Variants in KCNIP4 observed in about 807,000 individuals in gnomAD.
KCNIP4 encodes potassium voltage-gated channel interacting protein 4, also known as Kv channel-interacting protein 4.
A neutral mutation model predicts 34.0 loss-of-function variants in KCNIP4; 12 were observed. The ratio of observed to expected loss-of-function variants is 0.35; its 90% CI spans 0.23 to 0.57. KCNIP4 has a LOEUF of 0.57. KCNIP4 is among the 20% of genes least tolerant of loss of function. The probability of loss-of-function intolerance (pLI) is 0.83; values close to 1 mark genes in which losing one functional copy is unlikely to be tolerated. For synonymous variants in KCNIP4, 124 were observed against 102.2 expected (o/e 1.21, Z -1.29); for missense variants, 238 against 311.7 (o/e 0.76, Z 1.78).
At chr4:21,714,790 T>C (rs199505663) in intron 1 of KCNIP4, among the ~76,000 whole-genome samples, 3 of 260 alleles carry the variant, frequency 0.012, no homozygotes, top group African/African-American at 0.029. Context: ...CCTTTGATTA[T>C]TTTATTTTAT....
At chr4:21,251,987 T>A (rs1317139764) in intron 1 of KCNIP4, among the ~76,000 whole-genome samples, 3 of 151,354 alleles carry the variant, frequency 2.0e-5, no homozygotes, top group Non-Finnish European at 4.4e-5. Flanking sequence ...ATTGTGCACA[T>A]GTACCCTAAA....
At chr4:21,470,890 A>G (rs1474940473) in intron 1 of KCNIP4, among the ~76,000 whole-genome samples, 8 of 152,282 alleles carry the variant, frequency 5.3e-5, no homozygotes, top group African/African-American at 1.9e-4. Context: ...TCAGCTCTGC[A>G]TCAGCAGTTA....
At chr4:21,690,133 T>TTTTA (rs1751155050) in intron 1 of KCNIP4, among the ~76,000 whole-genome samples, 1 of 145,620 alleles carries the variant, frequency 6.9e-6, no homozygotes, top group African/African-American at 2.5e-5. Flanking sequence ...ATATTTTATA[T>TTTTA]TATATATATA....
chr4:20,999,877 C>G (rs1012050902), intron 1 of KCNIP4, among the ~76,000 whole-genome samples: 3 of 151,992 alleles, frequency 2.0e-5, no homozygotes, highest in East Asian at 3.9e-4. Context: ...AGCTCTGAAA[C>G]AAGAAGGAAA....
intron 1 of KCNIP4, among the ~76,000 whole-genome samples, chr4:21,745,209 G>A (rs1304509527): frequency 2.0e-5 from 3 of 152,156 alleles, no homozygotes; most frequent in Admixed American, 6.5e-5. Context: ...ATTTTAAGCA[G>A]AAGAATCACA....
chr4:21,307,536 C>T (rs1712620497), intron 1 of KCNIP4, among the ~76,000 whole-genome samples: 1 of 152,172 alleles, frequency 6.6e-6, no homozygotes, highest in Admixed American at 6.5e-5. Context: ...AATATAAACT[C>T]CTACCCATGA....
chr4:21,319,034 C>T (rs529604534), intron 1 of KCNIP4, among the ~76,000 whole-genome samples: 4 of 152,216 alleles, frequency 2.6e-5, no homozygotes, highest in South Asian at 2.1e-4. Context: ...TGACCTATCA[C>T]GACAATTTAA....
chr4:21,654,924 A>C (rs1747804274), intron 1 of KCNIP4, among the ~76,000 whole-genome samples: 1 of 146,006 alleles, frequency 6.8e-6, no homozygotes, highest in South Asian at 2.1e-4. Flanking sequence ...ACTCTGTCTC[A>C]AAAAAAAAAG....
chr4:21,267,383 A>C (rs1041044896), intron 1 of KCNIP4, among the ~76,000 whole-genome samples: 1 of 151,722 alleles, frequency 6.6e-6, no homozygotes, highest in Non-Finnish European at 1.5e-5. Context: ...TTCTGACACT[A>C]TGTTGAATAG....
At chr4:21,139,733 C>T (rs1041543891) in intron 1 of KCNIP4, among the ~76,000 whole-genome samples, 8 of 107,496 alleles carry the variant, frequency 7.4e-5, no homozygotes, top group African/African-American at 3.3e-4. Flanking sequence ...GGCTTACTGT[C>T]TTTCTCTCCG....
intron 3 of KCNIP4, among the ~76,000 whole-genome samples, chr4:20,821,219 T>A (rs1355447574): frequency 6.6e-6 from 1 of 152,194 alleles, no homozygotes; most frequent in Non-Finnish European, 1.5e-5. Flanking sequence ...AGAAGATTAT[T>A]ATCACGCCTC....
intron 1 of KCNIP4, among the ~76,000 whole-genome samples, chr4:21,319,331 A>G (rs1714131159): frequency 6.6e-6 from 1 of 152,240 alleles, no homozygotes. Flanking sequence ...CAACAGACAC[A>G]TGCTATACAC....
At chr4:21,717,287 A>C (rs903025335) in intron 1 of KCNIP4, among the ~76,000 whole-genome samples, 3 of 152,140 alleles carry the variant, frequency 2.0e-5, no homozygotes, top group African/African-American at 4.8e-5. Flanking sequence ...CCACTCTACT[A>C]AGTCTACGAA....
At chr4:21,917,025 C>T (rs1342522509) in intron 1 of KCNIP4, among the ~76,000 whole-genome samples, 1 of 152,338 alleles carries the variant, frequency 6.6e-6, no homozygotes. Context: ...CTTGTGGCTT[C>T]TTTGCTTCAG....
chr4:20,935,016 G>A (rs1730909746), intron 1 of KCNIP4, among the ~76,000 whole-genome samples: 1 of 152,100 alleles, frequency 6.6e-6, no homozygotes, highest in South Asian at 2.1e-4. Flanking sequence ...TCTTCACATG[G>A]CCTTCATTCC....
At chr4:21,008,425 A>C (rs889803580) in intron 1 of KCNIP4, among the ~76,000 whole-genome samples, 17 of 152,198 alleles carry the variant, frequency 1.1e-4, no homozygotes, top group Non-Finnish European at 2.9e-5. Flanking sequence ...GTGCTATAAA[A>C]TCTTTATTAA....
At chr4:20,742,204 T>G (rs1751287723) in intron 5 of KCNIP4, among the ~76,000 whole-genome samples, 1 of 152,210 alleles carries the variant, frequency 6.6e-6, no homozygotes. Flanking sequence ...GAGGGAATCC[T>G]CCCTAACTCA....
chr4:20,864,396 A>G (rs1722650846), intron 2 of KCNIP4, among the ~76,000 whole-genome samples: 2 of 151,106 alleles, frequency 1.3e-5, no homozygotes, highest in Non-Finnish European at 2.9e-5. Context: ...TACATGTTAT[A>G]TATATATAAC....
intron 1 of KCNIP4, among the ~76,000 whole-genome samples, chr4:21,313,548 T>C (rs1055686587): frequency 6.6e-6 from 1 of 152,192 alleles, no homozygotes; most frequent in Admixed American, 6.5e-5. Context: ...CAAGTTAAAC[T>C]AGAATCGAAT....
Sources: gnomAD v4.1 joint callset for allele counts (sites outside exome capture counted in the v4.1 genomes callset) on GRCh38, gnomAD v4.1.1 for gene constraint, MANE v1.5 for transcripts, NCBI Gene and HGNC (gene_info 2026-07-23, HGNC 2026-07-21) for gene names.